The following CTBP2 variants were observed in gnomAD, a reference collection of about 807,000 sequenced individuals.
CTBP2 encodes C-terminal-binding protein 2.
In CTBP2, 30 loss-of-function variants were observed where a neutral mutation model predicts 80.3. The observed-to-expected ratio is 0.37, with a 90% CI of 0.28 to 0.51. The LOEUF is 0.51. CTBP2 is among the 20% of genes least tolerant of loss of function. CTBP2 has a pLI of 0.93. For synonymous variants in CTBP2, 594 were observed against 587.4 expected, an observed-to-expected ratio of 1.01 and a Z score of -0.16; for missense variants, 1,212 against 1,375.3, an observed-to-expected ratio of 0.88 and a Z score of 1.88.
chr10:125,018,127 C>A (rs928183556), intron 1 of CTBP2, among the ~76,000 whole-genome samples: 4 of 152,210 alleles, frequency 2.6e-5, no homozygotes, highest in South Asian at 4.1e-4. Flanking sequence ...TGGGCCACCC[C>A]CTGCTGTGGG....
At chr10:125,109,615 AG>A (rs1275781920) in intron 2 of CTBP2, among the ~76,000 whole-genome samples, 1 of 152,222 alleles carries the variant, frequency 6.6e-6, no homozygotes, top group African/African-American at 2.4e-5. Flanking sequence ...CTCAATGCTA[AG>A]AGCCTTAAGT....
chr10:125,036,059 C>T (rs1387120869), intron 3 of CTBP2, among the ~76,000 whole-genome samples: 1 of 152,190 alleles, frequency 6.6e-6, no homozygotes, highest in Non-Finnish European at 1.5e-5. Flanking sequence ...TATTCCAGCT[C>T]ATTTGGCTGG....
rs757754015 is a variant in CTBP2, at chr10:125,070,905, C to T, written c.-101-31750G>A. Among the ~76,000 whole-genome samples, 22 of 152,256 alleles carry T rather than the reference C, an allele frequency of 1.4e-4. No individual in the cohort carries two copies. The South Asian group carries it at 1.7e-3, about 11-fold the overall frequency. ...TCAGTCTCCCAAAGTGCCAGGATTACGGGTGCGAGCCACCATGCTTGGCCT... is the reference window on the plus strand; with the variant it reads ...TCAGTCTCCCAAAGTGCCAGGATTATGGGTGCGAGCCACCATGCTTGGCCT... On this transcript the variant is annotated intron_variant, in intron 2 of 10. Transcript: ENST00000337195.
rs553975629 is a variant in CTBP2 at position 125,106,266 on chromosome 10, G to A, written c.-102+4724C>T. 3.1e-4 allele frequency among the ~76,000 whole-genome samples: 47 copies of A among 152,224 alleles called. No individual in the cohort carries two copies. In the East Asian group the frequency reaches 7.0e-3, roughly 23 times the overall value. ...CTCCCACAACCCTGGGTGTGGGGAC[G>A]GTACCATGACAAACCTGAGAAAGCT... On this transcript the variant is annotated intron_variant, in intron 2 of 10. Coordinates refer to the CTBP2 transcript ENST00000337195.
chr10:125,097,749 A>G (rs552937837), intron 2 of CTBP2, among the ~76,000 whole-genome samples: 3 of 152,282 alleles, frequency 2.0e-5, no homozygotes, highest in African/African-American at 7.2e-5. Flanking sequence ...GGCAACTTGA[A>G]GTCTCAATGA....
chr10:125,003,293 C>T lies in CTBP2; in HGVS notation c.1833+45G>A, dbSNP rs545609926. The T allele has an allele frequency of 3.4e-5, 54 of 1,594,368 alleles. No homozygotes were observed. The South Asian group carries it at 6.1e-4, about 18-fold the overall frequency. ...TAATGGGGGGATGCTGGGGAGGAAA[C>T]TGCCCAAGGTCAGTGCAGGCCCCGG... On this transcript the variant is annotated intron_variant, in intron 2 of 8. Coordinates refer to ENST00000309035, the MANE Select transcript of CTBP2 (RefSeq NM_022802.3).
intron 1 of CTBP2, among the ~76,000 whole-genome samples, chr10:125,159,379 C>T (rs1051008470): frequency 4.8e-5 from 7 of 145,536 alleles, no homozygotes; most frequent in African/African-American, 1.7e-4. Flanking sequence ...CCCGCGGGAG[C>T]GCGGCCGGGC....
chr10:125,093,780 C>T (rs1180899205), intron 2 of CTBP2, among the ~76,000 whole-genome samples: 1 of 152,182 alleles, frequency 6.6e-6, no homozygotes, highest in East Asian at 1.9e-4. Context: ...GCACAGAACG[C>T]GCGCAACCGT....
chr10:125,016,214 T>A (rs1418721829), intron 1 of CTBP2, among the ~76,000 whole-genome samples: 1 of 150,188 alleles, frequency 6.7e-6, no homozygotes, highest in Admixed American at 6.6e-5. Flanking sequence ...GTACAGGAAG[T>A]AGCAGCAACC....
intron 2 of CTBP2, among the ~76,000 whole-genome samples, chr10:125,082,075 C>A (rs1477366073): frequency 2.0e-5 from 3 of 152,360 alleles, no homozygotes; most frequent in East Asian, 3.9e-4. Flanking sequence ...CCAGAACCAG[C>A]CCGTGGGCAA....
intron 1 of CTBP2, among the ~76,000 whole-genome samples, chr10:125,014,975 C>T (rs999066678): frequency 1.3e-5 from 2 of 152,180 alleles, no homozygotes; most frequent in South Asian, 4.1e-4. Context: ...CCAAGCTCCC[C>T]GTACCAGGCA....
upstream of CTBP2, among the ~76,000 whole-genome samples, chr10:125,028,556 C>G (rs1198075729): frequency 1.3e-5 from 2 of 152,226 alleles, no homozygotes; most frequent in Non-Finnish European, 2.9e-5. Context: ...GGTTGTGAAT[C>G]AAACAGGTTT....
rs907057667 is a variant in CTBP2, at chr10:124,986,228, G to A, written c.*3290C>T. ...ACAGAAATATTTGGTGTCCTGATAA[G>A]CACTTTCTAGACTATTGATGTGGCC... On this transcript the variant is annotated 3_prime_UTR_variant, in exon 9 of 9. Transcript: ENST00000309035. The A allele has an allele frequency of 2.6e-5, 4 of 151,702 alleles. No homozygotes were observed. Among genetic ancestry groups the A allele is most frequent in the African/African-American group, 4.9e-5 (2 of 41,174 alleles). 9.4% of individuals were successfully genotyped at this position (151,702 alleles called of 1,614,324 possible). A position where few individuals can be genotyped will look rare whatever the true frequency, so the allele number is the denominator to read the frequency against.
intron 2 of CTBP2, among the ~76,000 whole-genome samples, chr10:125,057,295 T>C (rs966964552): frequency 1.3e-5 from 2 of 152,228 alleles, no homozygotes; most frequent in African/African-American, 4.8e-5. Context: ...GGGATTTACG[T>C]GGCTGGGATT....
intron 2 of CTBP2, among the ~76,000 whole-genome samples, chr10:125,054,159 CTG>C (rs1356884076): frequency 6.6e-6 from 1 of 152,182 alleles, no homozygotes; most frequent in Non-Finnish European, 1.5e-5. Context: ...CCCATCTACA[CTG>C]TGGATGCCAG....
intron 1 of CTBP2, among the ~76,000 whole-genome samples, chr10:125,006,480 T>C (rs572052169): frequency 6.6e-6 from 1 of 152,308 alleles, no homozygotes; most frequent in Non-Finnish European, 1.5e-5. Flanking sequence ...AGAAGGAAAC[T>C]GTCCACCCAC....
chr10:125,136,533 T>C (rs1414557515), intron 1 of CTBP2, among the ~76,000 whole-genome samples: 3 of 152,176 alleles, frequency 2.0e-5, no homozygotes, highest in Non-Finnish European at 2.9e-5. Flanking sequence ...TCCTCTTTTG[T>C]GTGCCTATAG....
chr10:125,093,425 C>G (rs1590721289), intron 2 of CTBP2, among the ~76,000 whole-genome samples: 2 of 152,266 alleles, frequency 1.3e-5, no homozygotes, highest in South Asian at 2.1e-4. Flanking sequence ...TGCAGCAGGT[C>G]CTATTTTGGG....
intron 2 of CTBP2, among the ~76,000 whole-genome samples, chr10:125,052,302 C>T (rs1156647403): frequency 6.6e-6 from 1 of 152,180 alleles, no homozygotes; most frequent in African/African-American, 2.4e-5. Context: ...CAGCTCAACA[C>T]GCACGGCCTG....
Sources: allele counts gnomAD v4.1 joint callset (sites outside exome capture counted in the v4.1 genomes callset), GRCh38; gene constraint gnomAD v4.1.1; transcripts MANE v1.5; gene names NCBI Gene and HGNC (gene_info 2026-07-23, HGNC 2026-07-21).